Variants in DAP observed in about 807,000 individuals in gnomAD.
DAP encodes death-associated protein 1.
DAP carries 8 observed loss-of-function variants against 13.8 expected under a neutral mutation model. The ratio of observed to expected loss-of-function variants is 0.58; its 90% CI spans 0.34 to 1.05. The LOEUF is 1.05. Among genes scored for constraint, DAP ranks in the 50% least tolerant of loss-of-function variants. DAP has a pLI of 0.03. For missense variants in DAP, 106 were observed against 133.2 expected (o/e 0.80, Z 1.01); for synonymous variants, 47 against 47.5 (o/e 0.99, Z 0.04).
chr5:10,731,439 G>A (rs1037946085), intron 2 of DAP, among the ~76,000 whole-genome samples: 1 of 152,166 alleles, frequency 6.6e-6, no homozygotes, highest in Admixed American at 6.5e-5. Flanking sequence ...TTTGGATCCC[G>A]AGCCCTGTGT....
intron 2 of DAP, among the ~76,000 whole-genome samples, chr5:10,733,263 A>G (rs186027079): frequency 6.7e-6 from 1 of 149,044 alleles, no homozygotes; most frequent in African/African-American, 2.5e-5. Flanking sequence ...AGTTGCTTCC[A>G]CCTCCTGGCT....
intron 1 of DAP, among the ~76,000 whole-genome samples, chr5:10,750,011 G>A (rs909549871): frequency 1.3e-5 from 2 of 152,126 alleles, no homozygotes; most frequent in African/African-American, 4.8e-5. Context: ...AGAGAGAGGC[G>A]TTCGGGAGAG....
At chr5:10,725,275 C>T (rs1010813171) in intron 2 of DAP, among the ~76,000 whole-genome samples, 3 of 152,222 alleles carry the variant, frequency 2.0e-5, no homozygotes, top group Admixed American at 2.0e-4. Context: ...TTATTTGCAG[C>T]GCCTTGAAAG....
At position 10,757,774 on chromosome 5, in the gene DAP, T is replaced by C. The variant is rs554192049; in HGVS notation, c.55+3240A>G. On this transcript the variant is annotated intron_variant, in intron 1 of 3. Transcript: ENST00000230895. ...CATCCCTGCGCACAGTACAGAGAGC[T>C]CAGAGTTGAGGAAGGTGTGGGCCCG... is the stretch of plus-strand genomic sequence containing the variant. Among the ~76,000 whole-genome samples, 3 of 152,236 alleles carry C rather than the reference T, an allele frequency of 2.0e-5. No homozygotes were observed. In the South Asian group the frequency reaches 6.2e-4, roughly 32 times the overall value.
intron 2 of DAP, among the ~76,000 whole-genome samples, chr5:10,694,603 C>T (rs1037556367): frequency 6.6e-6 from 1 of 152,226 alleles, no homozygotes; most frequent in Non-Finnish European, 1.5e-5. Flanking sequence ...GAAGAAGAGG[C>T]CCTTGGGCCT....
intron 2 of DAP, among the ~76,000 whole-genome samples, chr5:10,697,710 C>T (rs1418510234): frequency 1.3e-5 from 2 of 152,130 alleles, no homozygotes. Context: ...AACAAGACAA[C>T]TGTCATTGGA....
intron 2 of DAP, among the ~76,000 whole-genome samples, chr5:10,690,521 C>A (rs1456261282): frequency 6.6e-6 from 1 of 152,214 alleles, no homozygotes; most frequent in Non-Finnish European, 1.5e-5. Flanking sequence ...AGTTTAACTG[C>A]CCTAGGGATC....
In DAP at chr5:10,737,559, C is replaced by T. The variant is rs1412015888; in HGVS notation, c.152+10616G>A. On this transcript the variant is annotated intron_variant, in intron 2 of 3. Coordinates refer to ENST00000230895, the MANE Select transcript of DAP (RefSeq NM_004394.3). ...GTAATGTTGAAATTGGTTCACCAAA[C>T]GGCTTAAAGTTCAAACATGCAGATC... Among the ~76,000 whole-genome samples, 9 of 152,078 alleles carry T rather than the reference C, an allele frequency of 5.9e-5. No individual in the cohort carries two copies. The East Asian group carries it at 1.2e-3, about 20-fold the overall frequency.
chr5:10,694,415 TACAC>T (rs1738384407), intron 2 of DAP, among the ~76,000 whole-genome samples: 1 of 151,528 alleles, frequency 6.6e-6, no homozygotes, highest in African/African-American at 2.4e-5. Flanking sequence ...CACACGCACA[TACAC>T]ACAGCAGAAA....
At chr5:10,693,124 G>GCGCA (rs144761533) in intron 2 of DAP, among the ~76,000 whole-genome samples, 1 of 148,868 alleles carries the variant, frequency 6.7e-6, no homozygotes, top group South Asian at 2.1e-4. Flanking sequence ...ACATGCACAC[G>GCGCA]CACACACACA....
rs572041641 is a variant in DAP at position 10,694,158 on chromosome 5, C to T, written c.153-10587G>A. Among the ~76,000 whole-genome samples the T allele has an allele frequency of 3.9e-5, 6 of 152,054 alleles. No individual in the cohort carries two copies. In the South Asian group the frequency reaches 6.3e-4, roughly 16 times the overall value. On this transcript the variant is annotated intron_variant, in intron 2 of 3. Coordinates refer to ENST00000230895, the MANE Select transcript of DAP (RefSeq NM_004394.3). ...GAGGCTTCAAACCATTTAACAGATT[C>T]GAGGCAGCCGACAGGGCCAGAGACG... is the stretch of plus-strand genomic sequence containing the variant.
intron 2 of DAP, among the ~76,000 whole-genome samples, chr5:10,712,482 C>G (rs918449305): frequency 4.6e-5 from 7 of 152,186 alleles, no homozygotes; most frequent in Admixed American, 4.6e-4. Context: ...ACTGGGAGAC[C>G]CCTCCACATA....
At chr5:10,751,205 C>G (rs112522881) in intron 1 of DAP, among the ~76,000 whole-genome samples, 1 of 152,134 alleles carries the variant, frequency 6.6e-6, no homozygotes, top group Non-Finnish European at 1.5e-5. Context: ...GTTCCTTCTT[C>G]GTTTTGGGTT....
chr5:10,734,907 T>A (rs1739565771), intron 2 of DAP, among the ~76,000 whole-genome samples: 1 of 152,216 alleles, frequency 6.6e-6, no homozygotes, highest in South Asian at 2.1e-4. Flanking sequence ...CACTATTTAC[T>A]ATGTGGCCCC....
At chr5:10,748,503 G>C (rs1448548572) in intron 1 of DAP, among the ~76,000 whole-genome samples, 3 of 152,206 alleles carry the variant, frequency 2.0e-5, no homozygotes, top group African/African-American at 7.2e-5. Flanking sequence ...CAAGGCTCTT[G>C]TTTTTCTATC....
chr5:10,751,828 G>C (rs570046008), intron 1 of DAP, among the ~76,000 whole-genome samples: 10 of 152,344 alleles, frequency 6.6e-5, no homozygotes, highest in African/African-American at 1.7e-4. Context: ...GGTCTCAGGA[G>C]AAAGCAGAGC....
chr5:10,734,937 C>T (rs1178907006), intron 2 of DAP, among the ~76,000 whole-genome samples: 1 of 152,160 alleles, frequency 6.6e-6, no homozygotes, highest in African/African-American at 2.4e-5. Flanking sequence ...TGTCCCTCAC[C>T]GGCCTCCTGG....
intron 2 of DAP, among the ~76,000 whole-genome samples, chr5:10,691,333 C>A (rs933664539): frequency 6.6e-6 from 1 of 152,222 alleles, no homozygotes; most frequent in Admixed American, 6.5e-5. Context: ...GAGCCCAATC[C>A]TTTTTTCCAA....
intron 2 of DAP, among the ~76,000 whole-genome samples, chr5:10,701,125 C>A (rs1303071336): frequency 6.6e-6 from 1 of 152,192 alleles, no homozygotes; most frequent in Non-Finnish European, 1.5e-5. Flanking sequence ...GGTACTTGGT[C>A]AAGACCTGAA....
Sources: allele counts gnomAD v4.1 joint callset (sites outside exome capture counted in the v4.1 genomes callset), GRCh38; gene constraint gnomAD v4.1.1; transcripts MANE v1.5; gene names NCBI Gene and HGNC (gene_info 2026-07-23, HGNC 2026-07-21).